Variants in CDC42EP3 observed in about 807,000 individuals in gnomAD.
CDC42EP3 encodes the protein CDC42 effector protein 3, also known as CDC42 effector protein (Rho GTPase binding) 3.
Under a neutral mutation model 15.5 loss-of-function variants are expected in CDC42EP3, and 4 were observed. The ratio of observed to expected loss-of-function variants is 0.26; its 90% CI spans 0.13 to 0.59. The LOEUF is 0.59. CDC42EP3 is among the 20% of genes least tolerant of loss of function. The pLI, the probability that CDC42EP3 is intolerant of heterozygous loss-of-function variation, is 0.89. For missense variants in CDC42EP3, 309 were observed against 311.2 expected (o/e 0.99, Z 0.05); for synonymous variants, 145 against 130.3 (o/e 1.11, Z -0.77).
rs1408074036 is a variant in CDC42EP3 at position 37,645,808 on chromosome 2, A to G, written c.*15T>C. 3 of 1,510,950 alleles carry G rather than the reference A, an allele frequency of 2.0e-6. No homozygotes were observed. Among genetic ancestry groups the G allele is most frequent in the Non-Finnish European group, 2.7e-6 (3 of 1,131,428 alleles). The allele number at this position is 1,510,950 out of a possible 1,614,324, so 93.6% of individuals were successfully genotyped here. On this transcript the variant is annotated 3_prime_UTR_variant, in exon 2 of 2. Coordinates refer to ENST00000295324, the MANE Select transcript of CDC42EP3 (RefSeq NM_006449.5). ...TTTGTACCTTTTACCCCAAAGGAAA[A>G]AAGTTGGCATCTTGTTACTTATTTT...
chr2:37,653,782 T>C (rs1470300936), intron 1 of CDC42EP3, among the ~76,000 whole-genome samples: 1 of 151,964 alleles, frequency 6.6e-6, no homozygotes, highest in African/African-American at 2.4e-5. Flanking sequence ...AAAAATTGCA[T>C]CCTGCAAAAC....
At chr2:37,670,482 CT>C (rs5830491) in intron 1 of CDC42EP3, among the ~76,000 whole-genome samples, 14,691 of 136,608 alleles carry the variant, frequency 0.11, 1,333 homozygotes, top group African/African-American at 0.26. Flanking sequence ...AATTCGCTCA[CT>C]TTTTTTTTTT....
At chr2:37,664,988 G>C (rs1238342847) in intron 1 of CDC42EP3, among the ~76,000 whole-genome samples, 1 of 152,026 alleles carries the variant, frequency 6.6e-6, no homozygotes, top group African/African-American at 2.4e-5. Context: ...GTGATGAAAT[G>C]ATCTGTACAT....
intron 1 of CDC42EP3, among the ~76,000 whole-genome samples, chr2:37,667,682 C>T (rs752838758): frequency 1.3e-5 from 2 of 152,224 alleles, no homozygotes; most frequent in African/African-American, 2.4e-5. Flanking sequence ...TAGTGTTCCT[C>T]AAGGCTGGCA....
intron 1 of CDC42EP3, among the ~76,000 whole-genome samples, chr2:37,653,653 T>A (rs1381716657): frequency 6.6e-6 from 1 of 152,040 alleles, no homozygotes; most frequent in Non-Finnish European, 1.5e-5. Flanking sequence ...TACAGGACTC[T>A]GAAAAGAACC....
intron 1 of CDC42EP3, among the ~76,000 whole-genome samples, chr2:37,664,912 G>T (rs919944270): frequency 1.3e-5 from 2 of 152,158 alleles, no homozygotes; most frequent in Non-Finnish European, 2.9e-5. Flanking sequence ...CCTAATTGAG[G>T]GGGAAGGGCG....
chr2:37,649,751 G>A (rs1665606865), intron 1 of CDC42EP3, among the ~76,000 whole-genome samples: 1 of 152,126 alleles, frequency 6.6e-6, no homozygotes, highest in Non-Finnish European at 1.5e-5. Context: ...CCTCCAACCA[G>A]AGGCTCACTC....
chr2:37,661,610 C>T (rs916760778), intron 1 of CDC42EP3, among the ~76,000 whole-genome samples: 3 of 152,060 alleles, frequency 2.0e-5, no homozygotes, highest in Non-Finnish European at 4.4e-5. Flanking sequence ...ATCCCATTTG[C>T]GCAGAATGGT....
chr2:37,645,410 G>C lies in CDC42EP3; in HGVS notation c.*413C>G, dbSNP rs1014098991. 6.4e-6 allele frequency: 1 copy of C among 156,800 alleles called. No homozygotes were observed. The highest frequency in any genetic ancestry group is 1.4e-5 in the Non-Finnish European group (1 of 70,994). 9.7% of individuals were successfully genotyped at this position (156,800 alleles called of 1,614,324 possible). A position where few individuals can be genotyped will look rare whatever the true frequency, so the allele number is the denominator to read the frequency against. On this transcript the variant is annotated 3_prime_UTR_variant, in exon 2 of 2. Coordinates refer to ENST00000295324, the MANE Select transcript of CDC42EP3 (RefSeq NM_006449.5). ...TATATAGAAAAGAGTCTACAAAAAG[G>C]CTTAGGTGTTAAATAAATTTTGACT...
At chr2:37,660,446 G>T (rs11124595) in intron 1 of CDC42EP3, among the ~76,000 whole-genome samples, 41,799 of 152,046 alleles carry the variant, frequency 0.27, 6,196 homozygotes, top group East Asian at 0.58. Context: ...GAAACGTCCC[G>T]GAGTTGGGAA....
At chr2:37,656,998 C>CCCCT (rs1665881764) in intron 1 of CDC42EP3, among the ~76,000 whole-genome samples, 2 of 75,006 alleles carry the variant, frequency 2.7e-5, no homozygotes, top group African/African-American at 1.3e-4. Context: ...CCACCCCCCG[C>CCCCT]CCCCCGCCAT....
intron 1 of CDC42EP3, among the ~76,000 whole-genome samples, chr2:37,650,809 T>C (rs1323645201): frequency 6.6e-6 from 1 of 152,220 alleles, no homozygotes. Flanking sequence ...AAACAGGCCC[T>C]GCATACACTG....
At chr2:37,655,169 G>A (rs1313859468) in intron 1 of CDC42EP3, among the ~76,000 whole-genome samples, 1 of 152,234 alleles carries the variant, frequency 6.6e-6, no homozygotes, top group East Asian at 1.9e-4. Context: ...TGGCTCCCCA[G>A]CTGCTGAGCT....
Position 37,646,022 on chromosome 2 carries a change from G to A in CDC42EP3, c.566C>T (p.Ser189Phe). 1.2e-6 allele frequency: 2 copies of A among 1,614,034 alleles called. No homozygotes were observed. The highest frequency in any genetic ancestry group is 1.7e-6 in the Non-Finnish European group (2 of 1,179,960). The stretch of plus-strand genomic sequence containing the variant: ...GGGGTACTGTTCGGACAGGCTGGAG[G>A]AGTGGCTGTCTCTGCCTTGGCTGGA... The part of the protein sequence containing the change: ...SQSSQGRDSH[S>F]SSLSEQYPDW... Residue 189 changes from serine to phenylalanine, a missense_variant, in exon 2 of 2, where the codon TCC becomes TTC. Transcript: ENST00000295324.
At chr2:37,653,362 G>A (rs374494741) in intron 1 of CDC42EP3, among the ~76,000 whole-genome samples, 69 of 152,282 alleles carry the variant, frequency 4.5e-4, no homozygotes, top group African/African-American at 1.6e-3. Flanking sequence ...AAGAGAGCCG[G>A]GTTGCACTAG....
At chr2:37,664,091 G>A (rs917021350) in intron 1 of CDC42EP3, among the ~76,000 whole-genome samples, 2 of 152,054 alleles carry the variant, frequency 1.3e-5, no homozygotes, top group Admixed American at 6.5e-5. Flanking sequence ...GGAGAATGGC[G>A]TGAACCTGGG....
chr2:37,669,983 A>G (rs2124641502), intron 1 of CDC42EP3, among the ~76,000 whole-genome samples: 1 of 152,342 alleles, frequency 6.6e-6, no homozygotes, highest in Middle Eastern at 3.4e-3. Flanking sequence ...CTTATTAACT[A>G]CCAATAAGAG....
intron 1 of CDC42EP3, among the ~76,000 whole-genome samples, chr2:37,648,525 C>T (rs1201484850): frequency 6.6e-6 from 1 of 152,206 alleles, no homozygotes; most frequent in Non-Finnish European, 1.5e-5. Context: ...GCATGCTGGC[C>T]AGCAACCCAG....
intron 1 of CDC42EP3, among the ~76,000 whole-genome samples, chr2:37,649,361 G>A (rs1665589351): frequency 6.7e-6 from 1 of 149,718 alleles, no homozygotes; most frequent in Non-Finnish European, 1.5e-5. Context: ...AGGCTGAGGT[G>A]GGAGGACTGG....
Sources: allele counts gnomAD v4.1 joint callset (sites outside exome capture counted in the v4.1 genomes callset), GRCh38; gene constraint gnomAD v4.1.1; transcripts MANE v1.5; gene names NCBI Gene and HGNC (gene_info 2026-07-23, HGNC 2026-07-21).